The following RAB39A variants were observed in gnomAD, a reference collection of about 807,000 sequenced individuals.
RAB39A encodes ras-related protein Rab-39A.
A neutral mutation model predicts 20.9 loss-of-function variants in RAB39A; 17 were observed. That is an observed-to-expected ratio of 0.81 (90% CI 0.56 to 1.22). The LOEUF is 1.22. Among genes scored for constraint, RAB39A ranks in the 50% most tolerant of loss-of-function variants. RAB39A has a pLI of 0.00. For missense variants in RAB39A, 234 were observed against 270.5 expected (o/e 0.87, Z 0.95); for synonymous variants, 99 against 103.4 (o/e 0.96, Z 0.26).
chr11:107,955,240 A>T (rs1275034151), intron 1 of RAB39A, among the ~76,000 whole-genome samples: 1 of 151,720 alleles, frequency 6.6e-6, no homozygotes, highest in South Asian at 2.1e-4. Context: ...CTTGTGATCC[A>T]CCCACCTCAG....
rs2134978580 is a variant in RAB39A, at chr11:107,962,550, G to A, written c.*178G>A. 1 of 549,018 alleles carries A rather than the reference G, an allele frequency of 1.8e-6. No individual in the cohort carries two copies. The highest frequency in any genetic ancestry group is 3.1e-5 in the East Asian group (1 of 32,544). 34.0% of individuals were successfully genotyped at this position (549,018 alleles called of 1,614,324 possible). On this transcript the variant is annotated 3_prime_UTR_variant, in exon 2 of 2. Coordinates refer to ENST00000320578, the MANE Select transcript of RAB39A (RefSeq NM_017516.3). ...TGCTTACTTGTTACACTACTAGATT[G>A]GGTATTTTGCTAAATTACCAAGCAA...
chr11:107,933,777 CA>C (rs1184972763), intron 1 of RAB39A, among the ~76,000 whole-genome samples: 3 of 151,708 alleles, frequency 2.0e-5, no homozygotes, highest in Admixed American at 2.0e-4. Context: ...TCTCCTGCCT[CA>C]GCCTCCTGAG....
Position 107,962,177 on chromosome 11 carries a change from T to C in RAB39A, c.459T>C (p.Tyr153=). The C allele has an allele frequency of 6.2e-7, 1 of 1,614,110 alleles. No homozygotes were observed. The highest frequency in any genetic ancestry group is 8.5e-7 in the Non-Finnish European group (1 of 1,179,982). Residue 153 remains tyrosine (Y), a synonymous_variant, in exon 2 of 2, where the codon TAT becomes TAC. Transcript: ENST00000320578. ...EKLSADCGMK[Y]IETSAKDATN... ...TGTCAGCAGACTGTGGAATGAAGTA[T>C]ATAGAAACCTCAGCAAAGGATGCTA...
At chr11:107,959,552 T>C (rs1184222409) in intron 1 of RAB39A, among the ~76,000 whole-genome samples, 1 of 152,230 alleles carries the variant, frequency 6.6e-6, no homozygotes, top group African/African-American at 2.4e-5. Flanking sequence ...ACTCAATTTC[T>C]CTATAATACT....
rs1163649020 is a variant in RAB39A, at chr11:107,961,604, TC to T, written c.228-341del. On this transcript the variant is annotated intron_variant, in intron 1 of 1. Coordinates refer to ENST00000320578, the MANE Select transcript of RAB39A (RefSeq NM_017516.3). ...TTGTTGTACAACCTGTGCCCTTTACTCAGTCTTTCAATATGCTTATTTTTAA... is the reference window on the plus strand; with the variant it reads ...TTGTTGTACAACCTGTGCCCTTTACTAGTCTTTCAATATGCTTATTTTTAA... 4.6e-5 allele frequency among the ~76,000 whole-genome samples: 7 copies of T among 152,358 alleles called. No homozygotes were observed. The South Asian group carries it at 1.4e-3, about 32-fold the overall frequency.
At chr11:107,939,977 C>T (rs1306927495) in intron 1 of RAB39A, among the ~76,000 whole-genome samples, 3 of 152,162 alleles carry the variant, frequency 2.0e-5, no homozygotes, top group Admixed American at 2.0e-4. Flanking sequence ...CATTGTCAGT[C>T]AATTTGGCTA....
At chr11:107,946,390 GTATA>G (rs1164054240) in intron 1 of RAB39A, among the ~76,000 whole-genome samples, 1 of 56,026 alleles carries the variant, frequency 1.8e-5, no homozygotes, top group African/African-American at 6.9e-5. Context: ...ATATGTGGGT[GTATA>G]TATGTGTGTG....
chr11:107,957,999 C>A (rs1861455305), intron 1 of RAB39A, among the ~76,000 whole-genome samples: 1 of 152,016 alleles, frequency 6.6e-6, no homozygotes, highest in South Asian at 2.1e-4. Flanking sequence ...TCAAGCAATT[C>A]TCCTGCCTCA....
At chr11:107,933,643 A>G (rs1475899035) in intron 1 of RAB39A, among the ~76,000 whole-genome samples, 2 of 149,480 alleles carry the variant, frequency 1.3e-5, no homozygotes, top group Non-Finnish European at 3.0e-5. Flanking sequence ...AAGTGCTGGG[A>G]TTACAGGCAT....
At chr11:107,933,377 CTTTTTTTTT>C (rs71047649) in intron 1 of RAB39A, among the ~76,000 whole-genome samples, 1 of 73,060 alleles carries the variant, frequency 1.4e-5, no homozygotes, top group African/African-American at 6.3e-5. Flanking sequence ...TTTATTCTTT[CTTTTTTTTT>C]TTTTTTTTTT....
intron 1 of RAB39A, among the ~76,000 whole-genome samples, chr11:107,960,898 C>A (rs12224968): frequency 1.6e-4 from 24 of 152,096 alleles, no homozygotes; most frequent in Non-Finnish European, 3.1e-4. Flanking sequence ...CCAGCGCCTC[C>A]CATTGGCTGA....
chr11:107,962,483 C>T lies in RAB39A; in HGVS notation c.*111C>T. 1 of 962,484 alleles carries T rather than the reference C, an allele frequency of 1.0e-6. No homozygotes were observed. Among genetic ancestry groups the T allele is most frequent in the Non-Finnish European group, 1.5e-6 (1 of 662,828 alleles). 59.6% of individuals were successfully genotyped at this position (962,484 alleles called of 1,614,324 possible). A position where few individuals can be genotyped will look rare whatever the true frequency, so the allele number is the denominator to read the frequency against. On this transcript the variant is annotated 3_prime_UTR_variant, in exon 2 of 2. Coordinates refer to ENST00000320578, the MANE Select transcript of RAB39A (RefSeq NM_017516.3). Reference sequence around the variant, plus strand: ...AAAGAATTTAAAAAGGTTACAAACCCACACCAATACTATTTTATAAGGTAT... The same window carrying T: ...AAAGAATTTAAAAAGGTTACAAACCTACACCAATACTATTTTATAAGGTAT...
chr11:107,953,287 CTA>C lies in RAB39A; in HGVS notation c.228-8657_228-8656del, dbSNP rs1861400481. 3.9e-5 allele frequency among the ~76,000 whole-genome samples: 6 copies of C among 152,130 alleles called. No individual in the cohort carries two copies. The South Asian group carries it at 1.2e-3, about 32-fold the overall frequency. On this transcript the variant is annotated intron_variant, in intron 1 of 1. Coordinates refer to ENST00000320578, the MANE Select transcript of RAB39A (RefSeq NM_017516.3). Reference sequence around the variant, plus strand: ...TTGTACCATTTTTTTCTTACAAAGTCTATGTTGACTCTATTGGTCAGGTCCTT... The same window carrying C: ...TTGTACCATTTTTTTCTTACAAAGTCTGTTGACTCTATTGGTCAGGTCCTT...
chr11:107,956,211 A>G (rs530832593), intron 1 of RAB39A, among the ~76,000 whole-genome samples: 1 of 151,760 alleles, frequency 6.6e-6, no homozygotes, highest in African/African-American at 2.4e-5. Context: ...AAACTTCCTC[A>G]CTCTCTCTGA....
chr11:107,957,037 G>A (rs1234695848), intron 1 of RAB39A, among the ~76,000 whole-genome samples: 2 of 152,186 alleles, frequency 1.3e-5, no homozygotes, highest in African/African-American at 2.4e-5. Context: ...GATATTTTTA[G>A]TGGACTGTGT....
At chr11:107,934,811 C>G (rs1861176788) in intron 1 of RAB39A, among the ~76,000 whole-genome samples, 1 of 151,950 alleles carries the variant, frequency 6.6e-6, no homozygotes, top group South Asian at 2.1e-4. Flanking sequence ...CGCCTGTAAT[C>G]CCAGCTACTC....
chr11:107,941,429 A>T (rs937242002), intron 1 of RAB39A, among the ~76,000 whole-genome samples: 1 of 152,132 alleles, frequency 6.6e-6, no homozygotes, highest in Non-Finnish European at 1.5e-5. Context: ...ATGATTCTCT[A>T]TGTCTTGCTG....
At chr11:107,946,430 GTGTGTGTA>G (rs1338110925) in intron 1 of RAB39A, among the ~76,000 whole-genome samples, 234 of 23,094 alleles carry the variant, frequency 0.01, 1 homozygote, top group East Asian at 0.02. Flanking sequence ...GTGTGTGTGT[GTGTGTGTA>G]TATATATATA....
At chr11:107,948,944 C>A (rs1430950487) in intron 1 of RAB39A, among the ~76,000 whole-genome samples, 16 of 152,224 alleles carry the variant, frequency 1.1e-4, no homozygotes, top group African/African-American at 3.6e-4. Flanking sequence ...ACTTTTCCTT[C>A]CGGTTAATTA....
Sources: allele counts gnomAD v4.1 joint callset (sites outside exome capture counted in the v4.1 genomes callset), GRCh38; gene constraint gnomAD v4.1.1; transcripts MANE v1.5; gene names NCBI Gene and HGNC (gene_info 2026-07-23, HGNC 2026-07-21).